The following OVCH1 variants were observed in gnomAD, a reference collection of about 807,000 sequenced individuals.
OVCH1 encodes ovochymase 1, also known as ovochymase-1.
A neutral mutation model predicts 138.4 loss-of-function variants in OVCH1; 139 were observed. The ratio of observed to expected loss-of-function variants is 1.00; its 90% CI spans 0.87 to 1.16. The LOEUF (loss-of-function observed/expected upper bound fraction) is 1.16. OVCH1 is among the 50% of genes most tolerant of loss of function. The pLI is 0.00. For missense variants in OVCH1, 1,367 were observed against 1,357.9 expected (o/e 1.01, Z -0.11); for synonymous variants, 453 against 467.8 (o/e 0.97, Z 0.41).
chr12:29,471,926 C>T (rs780037704), exon 16 of OVCH1: 2 of 1,613,372 alleles, frequency 1.2e-6, no homozygotes, highest in African/African-American at 2.7e-5. Flanking sequence ...GCTTCTTCCC[C>T]TCCTGCGATT....
intron 21 of OVCH1, among the ~76,000 whole-genome samples, chr12:29,454,524 A>C (rs1213319333): frequency 1.3e-5 from 2 of 152,182 alleles, no homozygotes; most frequent in African/African-American, 4.8e-5. Flanking sequence ...GTCTTTACCT[A>C]GGCAAGATAC....
intron 25 of OVCH1, chr12:29,439,484 G>GCAAAAAA (rs1271243179): frequency 1.2e-5 from 17 of 1,382,564 alleles, no homozygotes; most frequent in Non-Finnish European, 1.6e-5. Context: ...AAAACAAAAA[G>GCAAAAAA]CAAAAAACAA....
intron 4 of OVCH1, among the ~76,000 whole-genome samples, chr12:29,493,904 T>C (rs1049854505): frequency 3.3e-5 from 5 of 152,234 alleles, no homozygotes; most frequent in African/African-American, 7.2e-5. Flanking sequence ...TATGGGAATA[T>C]ATTAAACCTG....
At chr12:29,441,802 A>G (rs1269658570) in intron 25 of OVCH1, among the ~76,000 whole-genome samples, 3 of 152,066 alleles carry the variant, frequency 2.0e-5, no homozygotes, top group African/African-American at 7.2e-5. Flanking sequence ...CCATCAAAAA[A>G]TGGGCAAAGG....
chr12:29,416,809 T>C (rs1941036334), intron 3 of OVCH1, among the ~76,000 whole-genome samples: 1 of 152,134 alleles, frequency 6.6e-6, no homozygotes, highest in Non-Finnish European at 1.5e-5. Context: ...TGGACATTTA[T>C]CCCACCAAAA....
Position 29,428,848 on chromosome 12 carries a change from C to G in OVCH1, c.3328-1200G>C, listed in dbSNP as rs77977110. 4.6e-3 allele frequency among the ~76,000 whole-genome samples: 705 copies of G among 152,284 alleles called. 6 individuals are homozygous for G. Among genetic ancestry groups the G allele is most frequent in the African/African-American group, 0.016 (670 of 41,560 alleles). On this transcript the variant is annotated intron_variant, in intron 27 of 27. Coordinates refer to ENST00000318184, the Ensembl canonical transcript of OVCH1. ...GAGAAGTTGATGCAATACTCAATTA[C>G]AAAATGTTTCAAAAAGTTTCCCTCT...
At chr12:29,486,033 G>A (rs1943095587) in intron 8 of OVCH1, among the ~76,000 whole-genome samples, 1 of 151,778 alleles carries the variant, frequency 6.6e-6, no homozygotes, top group South Asian at 2.1e-4. Context: ...TTTTAGCAAT[G>A]GCATGGAAAG....
intron 18 of OVCH1, 49 bp from the exon 19 acceptor site, chr12:29,462,057 G>A (rs767378149): frequency 1.3e-6 from 2 of 1,574,194 alleles, no homozygotes; most frequent in South Asian, 2.3e-5. Context: ...TAAGCAGAAA[G>A]TGTTGTTAGA....
At chr12:29,471,861 T>A (rs181642511) in exon 16 of OVCH1, 1 of 1,613,064 alleles carries the variant, frequency 6.2e-7, no homozygotes, top group Non-Finnish European at 8.5e-7. Flanking sequence ...CACCTCCACA[T>A]TGGTAATCGC....
At chr12:29,495,613 A>ATTT (rs373682686) in intron 3 of OVCH1, among the ~76,000 whole-genome samples, 156 bp from the exon 4 acceptor site, 4 of 151,840 alleles carry the variant, frequency 2.6e-5, no homozygotes, top group African/African-American at 9.7e-5. Flanking sequence ...CAATGGTCAT[A>ATTT]TTTTTTTTAA....
chr12:29,467,011 G>A (rs1284842240), intron 16 of OVCH1, among the ~76,000 whole-genome samples: 1 of 152,066 alleles, frequency 6.6e-6, no homozygotes, highest in African/African-American at 2.4e-5. Context: ...TCAATTCCTT[G>A]CATAATGGGT....
At chr12:29,481,823 C>T (rs947097702) in intron 8 of OVCH1, among the ~76,000 whole-genome samples, 1 of 152,192 alleles carries the variant, frequency 6.6e-6, no homozygotes, top group East Asian at 1.9e-4. Flanking sequence ...CTTCCAATAG[C>T]TCAGGTTAAA....
chr12:29,492,470 G>A (rs913752853), intron 4 of OVCH1, among the ~76,000 whole-genome samples: 15 of 152,088 alleles, frequency 9.9e-5, no homozygotes, highest in East Asian at 9.6e-4. Context: ...CCTGATTTAC[G>A]TATTAAAAAG....
chr12:29,432,710 T>A (rs1941291082), intron 27 of OVCH1, among the ~76,000 whole-genome samples: 1 of 151,208 alleles, frequency 6.6e-6, no homozygotes, highest in African/African-American at 2.4e-5. Context: ...AAGGAAGGAG[T>A]ATAGGTAAAG....
intron 19 of OVCH1, among the ~76,000 whole-genome samples, chr12:29,460,961 A>T (rs1485750698): frequency 6.6e-6 from 1 of 152,098 alleles, no homozygotes; most frequent in Non-Finnish European, 1.5e-5. Context: ...GTTAAAGGGG[A>T]CTTCATTGCC....
chr12:29,421,758 A>C (rs931048471), intron 3 of OVCH1, among the ~76,000 whole-genome samples: 4 of 152,156 alleles, frequency 2.6e-5, no homozygotes, highest in African/African-American at 9.7e-5. Context: ...AGTAACTAAA[A>C]ACCAAGAGAT....
chr12:29,494,965 T>C (rs1017840861), intron 4 of OVCH1, among the ~76,000 whole-genome samples: 1 of 152,176 alleles, frequency 6.6e-6, no homozygotes, highest in African/African-American at 2.4e-5. Context: ...ATAGATATCC[T>C]AATTACCCTG....
Position 29,440,755 on chromosome 12 carries a change from A to C in OVCH1, c.3158-1321T>G. On this transcript the variant is annotated intron_variant, in intron 25 of 27. Transcript: ENST00000318184. ...CTCATCAACATTCTCCTAAATAGAA[A>C]CACAAATATTCTTAATGCACTTACT... The C allele has an allele frequency of 2.2e-6, 1 of 455,932 alleles. No individual in the cohort carries two copies. Among genetic ancestry groups the C allele is most frequent in the Middle Eastern group, 3.3e-4 (1 of 3,066 alleles). 28.2% of individuals were successfully genotyped at this position (455,932 alleles called of 1,614,324 possible).
At chr12:29,423,063 G>T, downstream of OVCH1, 1 of 347,102 alleles carries the variant, frequency 2.9e-6, no homozygotes, top group Non-Finnish European at 5.6e-6. Flanking sequence ...CCAATGGGCT[G>T]CAGGTTCTAC....
Sources: allele counts gnomAD v4.1 joint callset (sites outside exome capture counted in the v4.1 genomes callset), GRCh38; gene constraint gnomAD v4.1.1; transcripts MANE v1.5; gene names NCBI Gene and HGNC (gene_info 2026-07-23, HGNC 2026-07-21).